Variants in GPC5 observed in about 807,000 individuals in gnomAD.
The protein encoded by GPC5 is glypican 5.
Under a neutral mutation model 53.9 loss-of-function variants are expected in GPC5, and 47 were observed. The ratio of observed to expected loss-of-function variants is 0.87; its 90% CI spans 0.69 to 1.11. The LOEUF (loss-of-function observed/expected upper bound fraction) is 1.11, where lower values mean the gene tolerates loss of function less well. GPC5 is among the 50% of genes most tolerant of loss of function. GPC5 has a pLI of 0.00. For synonymous variants in GPC5, 286 were observed against 263.3 expected, an observed-to-expected ratio of 1.09 and a Z score of -0.84; for missense variants, 748 against 713.1, an observed-to-expected ratio of 1.05 and a Z score of -0.56.
intron 7 of GPC5, chr13:92,709,457 T>A (rs1173238837): frequency 6.6e-6 from 1 of 152,158 alleles, no homozygotes; most frequent in African/African-American, 2.4e-5. Flanking sequence ...TACATATCGA[T>A]GATTTATAGG....
chr13:91,585,896 A>C (rs1041030021), intron 2 of GPC5, among the ~76,000 whole-genome samples: 1 of 152,082 alleles, frequency 6.6e-6, no homozygotes, highest in South Asian at 2.1e-4. Flanking sequence ...AAAAGAAAAA[A>C]CAAGAAACTA....
intron 6 of GPC5, among the ~76,000 whole-genome samples, chr13:92,072,794 T>C (rs564308794): frequency 1.3e-5 from 2 of 151,738 alleles, no homozygotes; most frequent in East Asian, 3.9e-4. Context: ...TGGTCTTGAA[T>C]TCCTGCCCTG....
chr13:92,089,871 G>A (rs2148446), intron 6 of GPC5, among the ~76,000 whole-genome samples: 78,620 of 151,950 alleles, frequency 0.52, 20,744 homozygotes, highest in East Asian at 0.79. Flanking sequence ...ATGTTACAAT[G>A]CAGGTTCTGT....
At chr13:92,216,460 G>A (rs2042410894) in intron 7 of GPC5, among the ~76,000 whole-genome samples, 1 of 152,190 alleles carries the variant, frequency 6.6e-6, no homozygotes, top group Non-Finnish European at 1.5e-5. Context: ...GCAGCAGGCA[G>A]TCAGATCAGG....
chr13:92,037,034 T>G (rs2040898811), intron 6 of GPC5, among the ~76,000 whole-genome samples: 1 of 152,160 alleles, frequency 6.6e-6, no homozygotes, highest in Admixed American at 6.5e-5. Context: ...GTAATTCAAT[T>G]CATGCCATTT....
In GPC5 at chr13:91,448,785, C is replaced by T. The variant is rs147685128; in HGVS notation, c.188C>T (p.Ser63Phe). ...GGACCTGATCTTCAGGTTTGCATATCCAAAAAGCCTACATGTTGCACCAGG... is the reference window on the plus strand; with the variant it reads ...GGACCTGATCTTCAGGTTTGCATATTCAAAAAGCCTACATGTTGCACCAGG... Reference protein sequence around the residue: ...RAGPDLQVCISKKPTCCTRKM... With the variant: ...RAGPDLQVCIFKKPTCCTRKM... The change falls in exon 2 of 8, where the codon TCC (serine) becomes TTC (phenylalanine). Residue 63 changes from serine to phenylalanine, a missense_variant. Physicochemically the swap from Ser to Phe is radical, Grantham distance 155. Transcript: ENST00000377067. The T allele has an allele frequency of 9.3e-6, 15 of 1,613,086 alleles. No homozygotes were observed. The highest frequency in any genetic ancestry group is 1.3e-5 in the Non-Finnish European group (15 of 1,179,614).
At chr13:91,576,685 G>A (rs1178037410) in intron 2 of GPC5, among the ~76,000 whole-genome samples, 1 of 152,102 alleles carries the variant, frequency 6.6e-6, no homozygotes, top group African/African-American at 2.4e-5. Context: ...AGCCTGATGA[G>A]AGCTGCAACA....
chr13:92,831,755 A>G (rs940673906), intron 7 of GPC5, among the ~76,000 whole-genome samples: 4 of 152,176 alleles, frequency 2.6e-5, no homozygotes, highest in Non-Finnish European at 5.9e-5. Flanking sequence ...CTGTATTTCT[A>G]AGATACGATT....
intron 6 of GPC5, among the ~76,000 whole-genome samples, chr13:91,987,536 A>G (rs1398423268): frequency 5.9e-5 from 9 of 151,940 alleles, no homozygotes; most frequent in Admixed American, 5.9e-4. Flanking sequence ...ATATGCATTT[A>G]GTTCACTTTG....
chr13:92,724,671 T>G (rs1372352899), intron 7 of GPC5, among the ~76,000 whole-genome samples: 1 of 151,496 alleles, frequency 6.6e-6, no homozygotes, highest in Non-Finnish European at 1.5e-5. Context: ...ATTGTCAAAC[T>G]CATAGAAGCA....
intron 7 of GPC5, among the ~76,000 whole-genome samples, chr13:92,702,283 A>ATGAT (rs1329044624): frequency 1.3e-5 from 2 of 152,130 alleles, no homozygotes; most frequent in East Asian, 1.9e-4. Context: ...ATGCATGCTG[A>ATGAT]TGATATAGCT....
chr13:92,147,295 T>C (rs561448994), intron 7 of GPC5, among the ~76,000 whole-genome samples: 1 of 152,132 alleles, frequency 6.6e-6, no homozygotes, highest in East Asian at 1.9e-4. Flanking sequence ...TTTCATCCTA[T>C]CTGGAGTATT....
chr13:92,538,301 C>A (rs1881790203), intron 7 of GPC5, among the ~76,000 whole-genome samples: 1 of 151,416 alleles, frequency 6.6e-6, no homozygotes, highest in African/African-American at 2.4e-5. Flanking sequence ...CTTCCCTTCT[C>A]TTTCCTTCCT....
chr13:92,786,854 C>T lies in GPC5; in HGVS notation c.1562-79428C>T, dbSNP rs79381391. On this transcript the variant is annotated intron_variant, in intron 7 of 7. Transcript: ENST00000377067. Reference sequence around the variant, plus strand: ...TGGGGTAATGAGGAAGAAAGGCCCCCGGACATGGAGAATGGAGGGAGCCAG... The same window carrying T: ...TGGGGTAATGAGGAAGAAAGGCCCCTGGACATGGAGAATGGAGGGAGCCAG... Among the ~76,000 whole-genome samples the T allele has an allele frequency of 9.7e-3, 1,483 of 152,122 alleles. 30 individuals carry two copies. The highest frequency in any genetic ancestry group is 0.034 in the African/African-American group (1,397 of 41,484).
At chr13:91,793,084 C>T (rs1007520629) in intron 5 of GPC5, among the ~76,000 whole-genome samples, 10 of 151,962 alleles carry the variant, frequency 6.6e-5, no homozygotes, top group African/African-American at 2.4e-4. Context: ...GAAGACATAC[C>T]CAAGATTGGG....
chr13:91,575,195 C>T (rs1399874113), intron 2 of GPC5, among the ~76,000 whole-genome samples: 3 of 152,138 alleles, frequency 2.0e-5, no homozygotes, highest in Admixed American at 6.6e-5. Context: ...TATTTTACTA[C>T]ATTGAATTTG....
chr13:91,971,950 G>A (rs1476074980), intron 6 of GPC5, among the ~76,000 whole-genome samples: 2 of 152,102 alleles, frequency 1.3e-5, no homozygotes, highest in African/African-American at 4.8e-5. Flanking sequence ...CTGTTGATTT[G>A]GGGTGGAGAG....
chr13:92,009,517 C>T (rs1462372550), intron 6 of GPC5, among the ~76,000 whole-genome samples: 2 of 152,128 alleles, frequency 1.3e-5, no homozygotes, highest in Non-Finnish European at 2.9e-5. Flanking sequence ...TCAGTTTACA[C>T]CCCTGTCCCC....
chr13:91,399,317 A>C, intron 1 of GPC5, 108 bp downstream of exon 1: 1 of 1,320,480 alleles, frequency 7.6e-7, no homozygotes, highest in East Asian at 2.5e-5. Context: ...CGGGCCCTGC[A>C]GCCGCGCAGG....
Sources: gnomAD v4.1 joint callset for allele counts (sites outside exome capture counted in the v4.1 genomes callset) on GRCh38, gnomAD v4.1.1 for gene constraint, MANE v1.5 for transcripts, NCBI Gene and HGNC (gene_info 2026-07-23, HGNC 2026-07-21) for gene names.